Variants in CATSPERZ observed in about 807,000 individuals in gnomAD.
CATSPERZ encodes the protein cation channel sperm-associated auxiliary subunit zeta.
Under a neutral mutation model 21.7 loss-of-function variants are expected in CATSPERZ, and 21 were observed. The observed-to-expected ratio is 0.97, with a 90% CI of 0.69 to 1.39. CATSPERZ has a LOEUF of 1.39. Among genes scored for constraint, CATSPERZ ranks in the 40% most tolerant of loss-of-function variants. CATSPERZ has a pLI of 0.00. For missense variants in CATSPERZ, 234 were observed against 259.5 expected, an observed-to-expected ratio of 0.90 and a Z score of 0.68; for synonymous variants, 127 against 108.7, an observed-to-expected ratio of 1.17 and a Z score of -1.05.
rs1418856908 is a variant in CATSPERZ at position 64,304,656 on chromosome 11, C to T, written c.*10C>T. ...GCTGTACGTGAATTAAAAACGCCACCTTGGGCTCGAGCAGCGACCCGAACC... is the reference window on the plus strand; with the variant it reads ...GCTGTACGTGAATTAAAAACGCCACTTTGGGCTCGAGCAGCGACCCGAACC... On this transcript the variant is annotated 3_prime_UTR_variant, in exon 5 of 5. Coordinates refer to ENST00000328404, the MANE Select transcript of CATSPERZ (RefSeq NM_001039496.2). 6.4e-7 allele frequency: 1 copy of T among 1,558,132 alleles called. No homozygotes were observed. Among genetic ancestry groups the T allele is most frequent in the East Asian group, 2.4e-5 (1 of 41,400 alleles).
Position 64,300,751 on chromosome 11 carries a change from C to G in CATSPERZ, c.116C>G (p.Ala39Gly). Residue 39 changes from alanine (A) to glycine (G), a missense_variant, in exon 2 of 5, where the codon GCA becomes GGA. Ala to Gly is a moderately conservative substitution (Grantham distance 60). Coordinates refer to ENST00000328404, the MANE Select transcript of CATSPERZ (RefSeq NM_001039496.2). ...TGGACCACGACCACGCTGTCCCAGGCACAGCTGAACATGCCGCTGTCCGAG... is the reference window on the plus strand; with the variant it reads ...TGGACCACGACCACGCTGTCCCAGGGACAGCTGAACATGCCGCTGTCCGAG... The part of the protein sequence containing the change: ...DLWTTTTLSQ[A>G]QLNMPLSEVC... The G allele has an allele frequency of 1.3e-6, 2 of 1,552,380 alleles. No individual in the cohort carries two copies. Among genetic ancestry groups the G allele is most frequent in the Non-Finnish European group, 1.7e-6 (2 of 1,148,082 alleles).
chr11:64,300,439 G>T lies in CATSPERZ; in HGVS notation c.21+8G>T, dbSNP rs377274910. 1.3e-6 allele frequency: 2 copies of T among 1,510,768 alleles called. No homozygotes were observed. The highest frequency in any genetic ancestry group is 2.2e-5 in the South Asian group (2 of 89,026). The allele number at this position is 1,510,768 out of a possible 1,614,324, so 93.6% of individuals were successfully genotyped here. ...GAGGAAAAGCCTTCGAAAGTAAGAC[G>T]TCTCCCTAGGCCCCTTACCCTGTCC... On this transcript the variant is annotated splice_region_variant and intron_variant, in intron 1 of 4. Coordinates refer to ENST00000328404, the MANE Select transcript of CATSPERZ (RefSeq NM_001039496.2).
chr11:64,303,350 G>C (rs766866309), intron 2 of CATSPERZ, 132 bp from the exon 3 acceptor site: 9 of 707,124 alleles, frequency 1.3e-5, no homozygotes, highest in Non-Finnish European at 1.9e-5. Context: ...TCTGTCCCAT[G>C]CTGACCCCAA....
At chr11:64,302,569 C>G (rs1383262631) in intron 2 of CATSPERZ, among the ~76,000 whole-genome samples, 1 of 151,992 alleles carries the variant, frequency 6.6e-6, no homozygotes, top group Non-Finnish European at 1.5e-5. Context: ...CGTGAGCCAA[C>G]CGCGCTCGGC....
intron 4 of CATSPERZ, among the ~76,000 whole-genome samples, chr11:64,304,174 T>C (rs2034977056): frequency 6.6e-6 from 1 of 152,122 alleles, no homozygotes; most frequent in Non-Finnish European, 1.5e-5. Context: ...TGGGGAGTTG[T>C]GAGGAGCCTT....
chr11:64,302,455 T>C (rs2034941631), intron 2 of CATSPERZ, among the ~76,000 whole-genome samples: 2 of 152,134 alleles, frequency 1.3e-5, no homozygotes, highest in Non-Finnish European at 2.9e-5. Flanking sequence ...TAATTTTTTG[T>C]ATTTTTAGTA....
chr11:64,303,973 A>T (rs1027322344), intron 4 of CATSPERZ, 134 bp downstream of exon 4: 12 of 859,330 alleles, frequency 1.4e-5, no homozygotes, highest in Non-Finnish European at 5.4e-6. Context: ...AAGTATTCCA[A>T]GGGCCCCATA....
Position 64,303,833 on chromosome 11 carries a change from C to A in CATSPERZ, c.493C>A (p.Leu165Ile). ...NEALEILTKA[L>I]RSYQLGIGRD... ...AGCTCTGGAAATCCTCACCAAAGCC[C>A]TCCGGAGTAAGCTCCCCGCCAACCC... The change falls in exon 4 of 5, where the codon CTC (leucine) becomes ATC (isoleucine). Residue 165 changes from leucine to isoleucine, a missense_variant. By Grantham distance (5) the Leu-to-Ile change is conservative (BLOSUM62 2). Transcript: ENST00000328404. 6.3e-7 allele frequency: 1 copy of A among 1,595,752 alleles called. No individual in the cohort carries two copies. Among genetic ancestry groups the A allele is most frequent in the South Asian group, 1.1e-5 (1 of 87,790 alleles).
chr11:64,304,504 T>C, intron 4 of CATSPERZ, 39 bp from the exon 5 acceptor site: 3 of 1,507,868 alleles, frequency 2.0e-6, no homozygotes, highest in East Asian at 2.4e-5. Flanking sequence ...GACCTTTCGG[T>C]TGCTCACTGC....
Position 64,300,843 on chromosome 11 carries a change from C to A in CATSPERZ, c.208C>A (p.Arg70=), listed in dbSNP as rs1249455393. 1 of 1,559,370 alleles carries A rather than the reference C, an allele frequency of 6.4e-7. No homozygotes were observed. Among genetic ancestry groups the A allele is most frequent in the Non-Finnish European group, 8.7e-7 (1 of 1,152,770 alleles). ...GACCCGCGGGTGGCACAGCCCGGGG[C>A]GGGGCTCGTTGGACGAGGGGTACAA... ...SKTRGWHSPG[R]GSLDEGYKAS... Residue 70 remains arginine, a synonymous_variant, in exon 2 of 5, where the codon CGG becomes AGG. Coordinates refer to ENST00000328404, the MANE Select transcript of CATSPERZ (RefSeq NM_001039496.2).
chr11:64,300,538 C>T, intron 1 of CATSPERZ, 107 bp downstream of exon 1: 1 of 1,530,978 alleles, frequency 6.5e-7, no homozygotes, highest in East Asian at 2.5e-5. Context: ...CCGCAGCCCC[C>T]ACCCAACCCC....
chr11:64,303,492 CT>C lies in CATSPERZ; in HGVS notation c.364del (p.Ser122GlnfsTer28). The C allele has an allele frequency of 6.2e-7, 1 of 1,612,882 alleles. No individual in the cohort carries two copies. ...TTTCTCTTCTCCCAGAAAAGTCTTCCTCAATGTCATCACTCAATATTGCGAA... is the reference window on the plus strand; with the variant it reads ...TTTCTCTTCTCCCAGAAAAGTCTTCCCAATGTCATCACTCAATATTGCGAA... Reference protein sequence around the residue: ...ASQIEAEKSSSMSSLNIAKHM... With the variant: ...ASQIEAEKSSXMSSLNIAKHM... On this transcript the variant is annotated frameshift_variant, in exon 3 of 5. Coordinates refer to ENST00000328404, the MANE Select transcript of CATSPERZ (RefSeq NM_001039496.2). LOFTEE classifies it high-confidence loss of function.
rs751266914 is a variant in CATSPERZ at position 64,300,445 on chromosome 11, C to T, written c.21+14C>T. The T allele has an allele frequency of 6.6e-7, 1 of 1,526,630 alleles. No homozygotes were observed. Among genetic ancestry groups the T allele is most frequent in the Non-Finnish European group, 8.9e-7 (1 of 1,125,220 alleles). The allele number at this position is 1,526,630 out of a possible 1,614,324, so 94.6% of individuals were successfully genotyped here. ...AAGCCTTCGAAAGTAAGACGTCTCCCTAGGCCCCTTACCCTGTCCGCTCCA... is the reference window on the plus strand; with the variant it reads ...AAGCCTTCGAAAGTAAGACGTCTCCTTAGGCCCCTTACCCTGTCCGCTCCA... On this transcript the variant is annotated intron_variant, in intron 1 of 4. Coordinates refer to ENST00000328404, the MANE Select transcript of CATSPERZ (RefSeq NM_001039496.2).
chr11:64,300,903 G>C lies in CATSPERZ; in HGVS notation c.268G>C (p.Ala90Pro). 6.3e-7 allele frequency: 1 copy of C among 1,577,520 alleles called. No homozygotes were observed. The highest frequency in any genetic ancestry group is 8.6e-7 in the Non-Finnish European group (1 of 1,162,702). ...CAAGCCGGAGGAACTGGACGAGCAC[G>C]CGCTGGTGGAGCTGGAGTTGCACCG... ...SHKPEELDEH[A>P]LVELELHRGS... Residue 90 changes from alanine to proline, a missense_variant, in exon 2 of 5, where the codon GCG becomes CCG. Transcript: ENST00000328404.
rs750089541 is a variant in CATSPERZ at position 64,300,910 on chromosome 11, T to G, written c.275T>G (p.Val92Gly). The G allele has an allele frequency of 6.3e-7, 1 of 1,579,306 alleles. No homozygotes were observed. The highest frequency in any genetic ancestry group is 8.6e-7 in the Non-Finnish European group (1 of 1,163,758). ...GAGGAACTGGACGAGCACGCGCTGG[T>G]GGAGCTGGAGTTGCACCGCGGCAGC... Reference protein sequence around the residue: ...KPEELDEHALVELELHRGSSM... With the variant: ...KPEELDEHALGELELHRGSSM... Residue 92 changes from valine (V) to glycine (G), a missense_variant, in exon 2 of 5, where the codon GTG becomes GGG. Val to Gly is a moderately radical substitution (Grantham distance 109). Transcript: ENST00000328404.
chr11:64,301,532 T>G lies in CATSPERZ; in HGVS notation c.352+545T>G, dbSNP rs1177993252. Among the ~76,000 whole-genome samples, 4 of 151,292 alleles carry G rather than the reference T, an allele frequency of 2.6e-5. No individual in the cohort carries two copies. In the East Asian group the frequency reaches 7.8e-4, roughly 30 times the overall value. On this transcript the variant is annotated intron_variant, in intron 2 of 4. Transcript: ENST00000328404. ...GGGATTACAGGCGCGCGCCACCACG[T>G]GCGGCTAATTTTTGTATTTTTAGTA... is the stretch of plus-strand genomic sequence containing the variant.
Position 64,303,837 on chromosome 11 carries a change from G to T in CATSPERZ, c.497G>T (p.Arg166Leu). 1 of 1,594,308 alleles carries T rather than the reference G, an allele frequency of 6.3e-7. No individual in the cohort carries two copies. The change falls in exon 4 of 5, where the codon CGG becomes CTG. Residue 166 changes from arginine to leucine, a missense_variant and splice_region_variant. Physicochemically the swap from Arg to Leu is moderately radical, Grantham distance 102. Coordinates refer to ENST00000328404, the MANE Select transcript of CATSPERZ (RefSeq NM_001039496.2). The stretch of plus-strand genomic sequence containing the variant: ...CTGGAAATCCTCACCAAAGCCCTCC[G>T]GAGTAAGCTCCCCGCCAACCCCCAA... ...EALEILTKAL[R>L]SYQLGIGRDH...
rs1388731490 is a variant in CATSPERZ at position 64,300,678 on chromosome 11, C to A, written c.43C>A (p.Arg15Ser). The A allele has an allele frequency of 6.5e-7, 1 of 1,538,592 alleles. No individual in the cohort carries two copies. Residue 15 changes from arginine to serine, a missense_variant, in exon 2 of 5, where the codon CGC (arginine) becomes AGC (serine). Transcript: ENST00000328404. Reference protein sequence around the residue: ...PSKVSLKSSDRQGSDEESVHS... With the variant: ...PSKVSLKSSDSQGSDEESVHS... ...ACAGGTGTCGCTCAAGTCTTCCGAC[C>A]GCCAAGGCTCGGACGAGGAGAGCGT...
At chr11:64,301,500 A>C (rs957178019) in intron 2 of CATSPERZ, among the ~76,000 whole-genome samples, 7 of 145,086 alleles carry the variant, frequency 4.8e-5, no homozygotes, top group African/African-American at 1.8e-4. Context: ...CCGCCTCCCG[A>C]GTAGCTGGGA....
Sources: allele counts gnomAD v4.1 joint callset (sites outside exome capture counted in the v4.1 genomes callset), GRCh38; gene constraint gnomAD v4.1.1; transcripts MANE v1.5; gene names NCBI Gene and HGNC (gene_info 2026-07-23, HGNC 2026-07-21).